The following PEX7 variants were observed in gnomAD, a reference collection of about 807,000 sequenced individuals.
PEX7 encodes the protein peroxisomal biogenesis factor 7, also known as PTS2 receptor.
In PEX7, 34 loss-of-function variants were observed where a neutral mutation model predicts 47.5. The ratio of observed to expected loss-of-function variants is 0.72; its 90% CI spans 0.54 to 0.95. PEX7 has a LOEUF of 0.95. Among genes scored for constraint, PEX7 ranks in the 40% least tolerant of loss-of-function variants. PEX7 has a pLI of 0.00. For synonymous variants in PEX7, 141 were observed against 148.8 expected, an observed-to-expected ratio of 0.95 and a Z score of 0.38; for missense variants, 394 against 400.3, an observed-to-expected ratio of 0.98 and a Z score of 0.13.
chr6:136,906,937 C>A (rs1201885916), intron 9 of PEX7, among the ~76,000 whole-genome samples: 1 of 152,098 alleles, frequency 6.6e-6, no homozygotes, highest in Non-Finnish European at 1.5e-5. Flanking sequence ...AACTTTTAAT[C>A]TTGCTTTCAG....
At chr6:136,894,259 C>A (rs1047971996) in intron 8 of PEX7, among the ~76,000 whole-genome samples, 5 of 152,068 alleles carry the variant, frequency 3.3e-5, no homozygotes, top group African/African-American at 1.2e-4. Context: ...GAGTTCGAGA[C>A]CAGCCTGACC....
At chr6:136,843,234 A>G (rs1774534657) in intron 3 of PEX7, among the ~76,000 whole-genome samples, 1 of 152,242 alleles carries the variant, frequency 6.6e-6, no homozygotes, top group South Asian at 2.1e-4. Context: ...GGGCCTTGAT[A>G]TAGTATCTAC....
At chr6:136,899,829 AT>A (rs1243406677) in intron 9 of PEX7, among the ~76,000 whole-genome samples, 1 of 152,222 alleles carries the variant, frequency 6.6e-6, no homozygotes, top group Non-Finnish European at 1.5e-5. Flanking sequence ...GTGAAATGGC[AT>A]TTTTTCAGCA....
At position 136,836,259 on chromosome 6, in the gene PEX7, T is replaced by A. The variant is rs1774382904; in HGVS notation, c.340-9356T>A. On this transcript the variant is annotated intron_variant, in intron 3 of 9. Transcript: ENST00000318471. The stretch of plus-strand genomic sequence containing the variant: ...AGAGAGGAATAGAAGCATATATATT[T>A]AACTATAGCTGTTATATATTATAAA... Among the ~76,000 whole-genome samples the A allele has an allele frequency of 2.6e-5, 4 of 151,934 alleles. No homozygotes were observed. In the South Asian group the frequency reaches 8.3e-4, roughly 31 times the overall value.
chr6:136,899,824 A>C (rs890109508), intron 9 of PEX7, among the ~76,000 whole-genome samples: 1 of 152,240 alleles, frequency 6.6e-6, no homozygotes, highest in Non-Finnish European at 1.5e-5. Context: ...GATGAGTGAA[A>C]TGGCATTTTT....
At chr6:136,876,802 T>G (rs1334688036) in intron 8 of PEX7, among the ~76,000 whole-genome samples, 1 of 152,202 alleles carries the variant, frequency 6.6e-6, no homozygotes, top group Admixed American at 6.5e-5. Context: ...TAAACATATG[T>G]GTGCATGTGT....
intron 8 of PEX7, among the ~76,000 whole-genome samples, chr6:136,895,866 C>T (rs1775638985): frequency 6.6e-6 from 1 of 151,956 alleles, no homozygotes; most frequent in African/African-American, 2.4e-5. Context: ...TTGCAAGATG[C>T]AGATAAATAC....
rs548961318 is a variant in PEX7, at chr6:136,829,566, C to T, written c.339+3097C>T. ...GGATATATTCAGTCCATTGCATATG[C>T]CAGATACTCAAAAATACTTAAAAGG... On this transcript the variant is annotated intron_variant, in intron 3 of 9. Coordinates refer to ENST00000318471, the MANE Select transcript of PEX7 (RefSeq NM_000288.4). 1.2e-4 allele frequency among the ~76,000 whole-genome samples: 19 copies of T among 152,192 alleles called. No homozygotes were observed. In the East Asian group the frequency reaches 3.7e-3, roughly 29 times the overall value.
At chr6:136,836,397 C>G (rs930673178) in intron 3 of PEX7, among the ~76,000 whole-genome samples, 1 of 151,914 alleles carries the variant, frequency 6.6e-6, no homozygotes, top group Non-Finnish European at 1.5e-5. Context: ...GAAGGGGGAC[C>G]AGAATGGAAA....
intron 9 of PEX7, among the ~76,000 whole-genome samples, chr6:136,909,576 T>C (rs1016615511): frequency 2.0e-5 from 3 of 152,196 alleles, no homozygotes; most frequent in African/African-American, 7.2e-5. Flanking sequence ...TCTTTGTTAG[T>C]TAGTAAAGTG....
intron 5 of PEX7, chr6:136,855,799 C>T: frequency 3.1e-6 from 1 of 318,882 alleles, no homozygotes; most frequent in East Asian, 1.0e-4. Context: ...CCAGTAAAGA[C>T]ATACATCCAG....
At chr6:136,844,222 G>T (rs898492650) in intron 3 of PEX7, among the ~76,000 whole-genome samples, 13 of 152,088 alleles carry the variant, frequency 8.5e-5, no homozygotes, top group Non-Finnish European at 1.3e-4. Flanking sequence ...AAAAAAATTA[G>T]CTGGGTGTGG....
Position 136,822,681 on chromosome 6 carries a change from G to A in PEX7, c.16G>A (p.Gly6Ser), listed in dbSNP as rs1168096585. ...GGCGGGCGGGATGAGTGCGGTGTGC[G>A]GTGGAGCGGCGCGGATGCTGCGGAC... is the stretch of plus-strand genomic sequence containing the variant. The part of the protein sequence containing the change: MSAVC[G>S]GAARMLRTPG... The change falls in exon 1 of 10, where the codon GGT (glycine) becomes AGT (serine). Residue 6 changes from glycine to serine, a missense_variant. Coordinates refer to ENST00000318471, the MANE Select transcript of PEX7 (RefSeq NM_000288.4). 6.6e-7 allele frequency: 1 copy of A among 1,522,844 alleles called. No homozygotes were observed. The highest frequency in any genetic ancestry group is 2.0e-5 in the Admixed American group (1 of 50,232). The allele number at this position is 1,522,844 out of a possible 1,614,324, so 94.3% of individuals were successfully genotyped here. A position where few individuals can be genotyped will look rare whatever the true frequency, so the allele number is the denominator to read the frequency against.
intron 3 of PEX7, among the ~76,000 whole-genome samples, chr6:136,841,576 GT>G (rs1774499014): frequency 6.6e-6 from 1 of 152,074 alleles, no homozygotes. Context: ...TATGTTTATA[GT>G]TTGTTTTGTT....
intron 9 of PEX7, among the ~76,000 whole-genome samples, chr6:136,912,599 GCA>G (rs1775950745): frequency 6.6e-6 from 1 of 151,996 alleles, no homozygotes; most frequent in Non-Finnish European, 1.5e-5. Context: ...TCCTAATCCT[GCA>G]CAGTCTTGAT....
chr6:136,855,127 A>C (rs1030924087), intron 5 of PEX7, among the ~76,000 whole-genome samples: 10 of 151,868 alleles, frequency 6.6e-5, no homozygotes, highest in African/African-American at 2.4e-4. Flanking sequence ...TGTTCTAGTG[A>C]AACAGTGAAG....
intron 8 of PEX7, among the ~76,000 whole-genome samples, chr6:136,883,448 A>G (rs1775410743): frequency 1.3e-5 from 2 of 152,200 alleles, no homozygotes; most frequent in Non-Finnish European, 2.9e-5. Context: ...TCTGTTTTAC[A>G]CCGTCGATCA....
intron 9 of PEX7, among the ~76,000 whole-genome samples, chr6:136,908,315 T>C (rs961900325): frequency 6.6e-6 from 1 of 152,134 alleles, no homozygotes; most frequent in Non-Finnish European, 1.5e-5. Flanking sequence ...ATAGAACTTA[T>C]ATGGCATCTT....
At chr6:136,905,051 T>G (rs1562759350) in intron 9 of PEX7, among the ~76,000 whole-genome samples, 2 of 152,186 alleles carry the variant, frequency 1.3e-5, no homozygotes, top group Non-Finnish European at 2.9e-5. Flanking sequence ...TCTTTTTTAT[T>G]TTTTTAGTCC....
Sources: allele counts gnomAD v4.1 joint callset (sites outside exome capture counted in the v4.1 genomes callset), GRCh38; gene constraint gnomAD v4.1.1; transcripts MANE v1.5; gene names NCBI Gene and HGNC (gene_info 2026-07-23, HGNC 2026-07-21).